KCNQ5: variants seen among roughly 807,000 people sequenced by gnomAD.
The protein encoded by KCNQ5 is potassium voltage-gated channel subfamily KQT member 5.
KCNQ5 carries 30 observed loss-of-function variants against 98.2 expected under a neutral mutation model. The ratio of observed to expected loss-of-function variants is 0.31; its 90% CI spans 0.23 to 0.41. The LOEUF (loss-of-function observed/expected upper bound fraction) is 0.41, where lower values mean the gene tolerates loss of function less well. KCNQ5 is among the 10% of genes least tolerant of loss of function. The pLI, the probability that KCNQ5 is intolerant of heterozygous loss-of-function variation, is 1.00. For synonymous variants in KCNQ5, 458 were observed against 449.4 expected (o/e 1.02, Z -0.24); for missense variants, 835 against 1,182.5 (o/e 0.71, Z 4.31).
At chr6:72,907,216 C>T (rs1347438387) in intron 1 of KCNQ5, among the ~76,000 whole-genome samples, 3 of 152,064 alleles carry the variant, frequency 2.0e-5, no homozygotes, top group Non-Finnish European at 4.4e-5. Context: ...GGATACTAGG[C>T]TTAGTACTTG....
At chr6:73,085,620 C>T (rs907229200) in intron 5 of KCNQ5, among the ~76,000 whole-genome samples, 11 of 152,042 alleles carry the variant, frequency 7.2e-5, no homozygotes, top group Middle Eastern at 3.4e-3. Context: ...TTGCTCACCC[C>T]CAGAGGAACT....
In KCNQ5 at chr6:73,198,795, C is replaced by T. The variant is rs1024355764; in HGVS notation, c.*3381C>T. 6.6e-6 allele frequency: 1 copy of T among 152,158 alleles called. No homozygotes were observed. Among genetic ancestry groups the T allele is most frequent in the African/African-American group, 2.4e-5 (1 of 41,440 alleles). The allele number at this position is 152,158 out of a possible 1,614,324, so 9.4% of individuals were successfully genotyped here. ...TATCATTAAAGTGTAATTTCCTTTGCTCTCTTTTACTGGGATTATTTGTTT... is the reference window on the plus strand; with the variant it reads ...TATCATTAAAGTGTAATTTCCTTTGTTCTCTTTTACTGGGATTATTTGTTT... On this transcript the variant is annotated 3_prime_UTR_variant, in exon 14 of 14. Coordinates refer to ENST00000370398, the MANE Select transcript of KCNQ5 (RefSeq NM_019842.4).
At chr6:72,740,592 A>G (rs534927684) in intron 1 of KCNQ5, among the ~76,000 whole-genome samples, 3 of 152,258 alleles carry the variant, frequency 2.0e-5, no homozygotes, top group Admixed American at 6.5e-5. Context: ...ATCACAGGCA[A>G]TGGATATAGT....
rs1775202834 is a variant in KCNQ5, at chr6:72,810,774, G to C, written c.398+188187G>C. Among the ~76,000 whole-genome samples the C allele has an allele frequency of 2.0e-5, 3 of 151,156 alleles. No homozygotes were observed. The South Asian group carries it at 6.2e-4, about 31-fold the overall frequency. ...TAGTCATTACTTTGGGGTTAAAGTT[G>C]AAGTCAGAAAAAAAACTCTGAAACA... On this transcript the variant is annotated intron_variant, in intron 1 of 13. Coordinates refer to ENST00000370398, the MANE Select transcript of KCNQ5 (RefSeq NM_019842.4).
intron 1 of KCNQ5, among the ~76,000 whole-genome samples, chr6:72,881,802 C>G (rs1778642773): frequency 6.6e-6 from 1 of 152,194 alleles, no homozygotes; most frequent in African/African-American, 2.4e-5. Context: ...AGTGATTTTC[C>G]TGCCTCAGCC....
chr6:72,887,976 TA>T lies in KCNQ5; in HGVS notation c.399-115927del, dbSNP rs1778910239. On this transcript the variant is annotated intron_variant, in intron 1 of 13. Coordinates refer to ENST00000370398, the MANE Select transcript of KCNQ5 (RefSeq NM_019842.4). ...ATATTATGTTTATAAGCAGCCCACT[TA>T]AAAATATAACACATTAATATTAAAA... 6.6e-5 allele frequency among the ~76,000 whole-genome samples: 10 copies of T among 152,128 alleles called. No homozygotes were observed. The South Asian group carries it at 2.1e-3, about 32-fold the overall frequency.
intron 1 of KCNQ5, among the ~76,000 whole-genome samples, chr6:72,781,807 G>A (rs554726337): frequency 9.0e-4 from 137 of 152,240 alleles, no homozygotes; most frequent in African/African-American, 2.8e-3. Context: ...TGACCTAGGG[G>A]TTGACAGAGT....
At chr6:72,850,116 T>C (rs568078797) in intron 1 of KCNQ5, among the ~76,000 whole-genome samples, 8 of 152,240 alleles carry the variant, frequency 5.3e-5, no homozygotes, top group Admixed American at 2.0e-4. Context: ...TTACCCAAGA[T>C]AAAAAATGCT....
chr6:72,999,718 C>T (rs920531698), intron 1 of KCNQ5, among the ~76,000 whole-genome samples: 2 of 152,182 alleles, frequency 1.3e-5, no homozygotes, highest in African/African-American at 4.8e-5. Context: ...ATTATTAAAA[C>T]ATTACACAAA....
chr6:73,133,831 G>A lies in KCNQ5; in HGVS notation c.1468+190G>A, dbSNP rs1008052400. 3 of 733,790 alleles carry A rather than the reference G, an allele frequency of 4.1e-6. No homozygotes were observed. In the African/African-American group the frequency reaches 5.2e-5, roughly 13 times the overall value. 45.5% of individuals were successfully genotyped at this position (733,790 alleles called of 1,614,324 possible). On this transcript the variant is annotated intron_variant, in intron 10 of 13. Transcript: ENST00000370398. ...ATGTACAGAACATAAGTTTACTTTT[G>A]GAAACCACTTTGGCAGCTAAATTTA... is the stretch of plus-strand genomic sequence containing the variant.
intron 3 of KCNQ5, chr6:73,055,897 T>C: frequency 1.8e-6 from 1 of 566,704 alleles, no homozygotes; most frequent in South Asian, 1.6e-5. Context: ...ATTGCATCCA[T>C]CTGTCCCTCC....
chr6:72,703,976 T>A (rs1314039875), intron 1 of KCNQ5, among the ~76,000 whole-genome samples: 2 of 152,236 alleles, frequency 1.3e-5, no homozygotes, highest in Non-Finnish European at 2.9e-5. Context: ...ATACTTTGTG[T>A]GCCTTAAAAC....
Position 72,813,020 on chromosome 6 carries a change from A to G in KCNQ5, c.398+190433A>G, listed in dbSNP as rs137959763. On this transcript the variant is annotated intron_variant, in intron 1 of 13. Transcript: ENST00000370398. Reference sequence around the variant, plus strand: ...ATATAGTATACACTGCCTTGAAAACATTCCAAGTGAGATTGCTTTCCTGGT... The same window carrying G: ...ATATAGTATACACTGCCTTGAAAACGTTCCAAGTGAGATTGCTTTCCTGGT... Among the ~76,000 whole-genome samples the G allele has an allele frequency of 1.9e-3, 294 of 152,324 alleles. 3 individuals are homozygous for G. Among genetic ancestry groups the G allele is most frequent in the Admixed American group, 0.013 (202 of 15,294 alleles).
intron 1 of KCNQ5, among the ~76,000 whole-genome samples, chr6:72,933,509 T>C (rs373877741): frequency 6.6e-5 from 10 of 152,278 alleles, no homozygotes; most frequent in African/African-American, 2.4e-4. Context: ...CATATCGTGT[T>C]TGCTCAGTCT....
At chr6:73,095,987 A>T (rs1342334946) in intron 5 of KCNQ5, among the ~76,000 whole-genome samples, 2 of 152,194 alleles carry the variant, frequency 1.3e-5, no homozygotes. Context: ...TCCTCATATG[A>T]TCACAAGATG....
At chr6:72,907,947 C>G (rs983933664) in intron 1 of KCNQ5, among the ~76,000 whole-genome samples, 15 of 152,058 alleles carry the variant, frequency 9.9e-5, no homozygotes. Flanking sequence ...TTTCTAACCA[C>G]TATCATGCTG....
chr6:73,166,176 T>G (rs1024399499), intron 10 of KCNQ5, among the ~76,000 whole-genome samples: 1 of 152,002 alleles, frequency 6.6e-6, no homozygotes, highest in Non-Finnish European at 1.5e-5. Context: ...CTCACGCCTG[T>G]AATCCCAGCA....
intron 5 of KCNQ5, among the ~76,000 whole-genome samples, chr6:73,095,349 C>G (rs1250831944): frequency 6.6e-6 from 1 of 152,018 alleles, no homozygotes; most frequent in Non-Finnish European, 1.5e-5. Flanking sequence ...TTTGGATTTC[C>G]TTAAATCGGG....
In KCNQ5 at chr6:72,622,197, G is replaced by T. The variant is rs1446827633; in HGVS notation, c.8G>T (p.Arg3Leu). 4.1e-6 allele frequency: 5 copies of T among 1,224,838 alleles called. No homozygotes were observed. The highest frequency in any genetic ancestry group is 3.1e-4 in the Middle Eastern group (1 of 3,196). The allele number at this position is 1,224,838 out of a possible 1,614,324, so 75.9% of individuals were successfully genotyped here. A position where few individuals can be genotyped will look rare whatever the true frequency, so the allele number is the denominator to read the frequency against. MP[R>L]HHAGGEEGGA... The stretch of plus-strand genomic sequence containing the variant: ...GGTGCCCGTGGTGATGCCATGCCCC[G>T]CCACCACGCGGGAGGAGAGGAGGGC... The change falls in exon 1 of 14, where the codon CGC becomes CTC. Residue 3 changes from arginine to leucine, a missense_variant. Arg to Leu is a moderately radical substitution (Grantham distance 102, BLOSUM62 -2). Coordinates refer to ENST00000370398, the MANE Select transcript of KCNQ5 (RefSeq NM_019842.4). The surrounding 1 kb of genome is among the most constrained non-coding windows in gnomAD (Gnocchi z 6.0).
Sources: allele counts gnomAD v4.1 joint callset (sites outside exome capture counted in the v4.1 genomes callset), GRCh38; gene constraint gnomAD v4.1.1; non-coding constraint Gnocchi (gnomAD v3.1); transcripts MANE v1.5; gene names NCBI Gene and HGNC (gene_info 2026-07-23, HGNC 2026-07-21).